ASIC2: variants seen among roughly 807,000 people sequenced by gnomAD.
ASIC2 encodes acid sensing ion channel subunit 2, also known as acid-sensing ion channel 2.
A neutral mutation model predicts 57.3 loss-of-function variants in ASIC2; 25 were observed. The ratio of observed to expected loss-of-function variants is 0.44; its 90% CI spans 0.32 to 0.61. The LOEUF (loss-of-function observed/expected upper bound fraction) is 0.61, where lower values mean the gene tolerates loss of function less well. ASIC2 is among the 20% of genes least tolerant of loss of function. ASIC2 has a pLI of 0.06. For synonymous variants in ASIC2, 319 were observed against 307.5 expected (o/e 1.04, Z -0.39); for missense variants, 641 against 738.1 (o/e 0.87, Z 1.52).
chr17:33,803,899 G>A (rs576622313), intron 1 of ASIC2, among the ~76,000 whole-genome samples: 43 of 152,220 alleles, frequency 2.8e-4, no homozygotes, highest in Admixed American at 2.4e-3. Flanking sequence ...TTGCCAGTGT[G>A]GGGTGGAAAG....
rs1909244938 is a variant in ASIC2, at chr17:33,375,538, ATGG to A, written c.556-263474_556-263472del. 1.3e-5 allele frequency among the ~76,000 whole-genome samples: 2 copies of A among 152,168 alleles called. 1 individual carries two copies. The highest frequency in any genetic ancestry group is 4.1e-4 in the South Asian group (2 of 4,822). Reference sequence around the variant, plus strand: ...GCAGTGAGCAGATACGTGCCAGGGTATGGCTTGCGTTTTAAAAGGATAGTTCTG... The same window carrying A: ...GCAGTGAGCAGATACGTGCCAGGGTACTTGCGTTTTAAAAGGATAGTTCTG... On this transcript the variant is annotated intron_variant, in intron 1 of 9. Transcript: ENST00000359872.
At chr17:33,727,161 T>A (rs1210367481) in intron 1 of ASIC2, among the ~76,000 whole-genome samples, 1 of 152,182 alleles carries the variant, frequency 6.6e-6, no homozygotes, top group African/African-American at 2.4e-5. Context: ...ACTCTTGATC[T>A]AGTCTAACTC....
intron 1 of ASIC2, among the ~76,000 whole-genome samples, chr17:33,847,617 A>C (rs7220270): frequency 0.025 from 3,845 of 152,312 alleles, 184 homozygotes; most frequent in African/African-American, 0.088. Flanking sequence ...TATATGGGAC[A>C]CAGCTTACTC....
intron 1 of ASIC2, among the ~76,000 whole-genome samples, chr17:33,441,297 A>C (rs1250808681): frequency 6.6e-6 from 1 of 152,048 alleles, no homozygotes; most frequent in African/African-American, 2.4e-5. Context: ...CTCTTGAAAA[A>C]CATTTTTAAA....
At chr17:33,899,830 C>A (rs1915192086) in intron 1 of ASIC2, among the ~76,000 whole-genome samples, 1 of 152,168 alleles carries the variant, frequency 6.6e-6, no homozygotes, top group Non-Finnish European at 1.5e-5. Context: ...TAACTTATTT[C>A]ATATAAGAGT....
At chr17:33,471,852 C>G (rs1913061246) in intron 1 of ASIC2, among the ~76,000 whole-genome samples, 1 of 151,866 alleles carries the variant, frequency 6.6e-6, no homozygotes, top group Admixed American at 6.6e-5. Flanking sequence ...TGTGTTAAAC[C>G]ATTTATATGC....
intron 1 of ASIC2, among the ~76,000 whole-genome samples, chr17:34,056,477 G>C (rs1269123444): frequency 1.3e-5 from 2 of 152,208 alleles, no homozygotes; most frequent in African/African-American, 4.8e-5. Flanking sequence ...CACATTCTGG[G>C]CTGGTAGGTA....
chr17:33,979,115 G>T (rs1388790889), intron 1 of ASIC2, among the ~76,000 whole-genome samples: 1 of 152,160 alleles, frequency 6.6e-6, no homozygotes, highest in African/African-American at 2.4e-5. Context: ...TCATGACCAG[G>T]AGAGAGGAGG....
chr17:33,791,443 C>A (rs1911769486), intron 1 of ASIC2, among the ~76,000 whole-genome samples: 1 of 152,162 alleles, frequency 6.6e-6, no homozygotes, highest in African/African-American at 2.4e-5. Flanking sequence ...GACCCTGGAC[C>A]CCATTGGGCA....
At chr17:33,529,545 A>G (rs550893149) in intron 1 of ASIC2, among the ~76,000 whole-genome samples, 2 of 152,372 alleles carry the variant, frequency 1.3e-5, no homozygotes, top group South Asian at 4.1e-4. Flanking sequence ...TTGAGAAGCA[A>G]TAGTTTAGAC....
At chr17:33,135,167 G>A (rs940313492) in intron 1 of ASIC2, among the ~76,000 whole-genome samples, 3 of 152,062 alleles carry the variant, frequency 2.0e-5, no homozygotes, top group Admixed American at 6.5e-5. Context: ...CCTCATGAAC[G>A]TCCTGCTCAT....
intron 1 of ASIC2, among the ~76,000 whole-genome samples, chr17:33,599,345 A>T (rs1905067959): frequency 6.6e-6 from 1 of 152,156 alleles, no homozygotes; most frequent in Non-Finnish European, 1.5e-5. Context: ...AAGGGAGAAA[A>T]GGAGCCTGAT....
chr17:33,792,574 G>A (rs965266096), intron 1 of ASIC2: 2 of 152,144 alleles, frequency 1.3e-5, no homozygotes, highest in African/African-American at 4.8e-5. Context: ...ATATTTTGAA[G>A]CCAAAATTTG....
rs1905463347 is a variant in ASIC2, at chr17:33,291,729, G to T, written c.387C>A (p.Pro129=). 1 of 1,613,394 alleles carries T rather than the reference G, an allele frequency of 6.2e-7. No individual in the cohort carries two copies. Among genetic ancestry groups the T allele is most frequent in the Non-Finnish European group, 8.5e-7 (1 of 1,179,858 alleles). Residue 129 remains proline (P), a synonymous_variant, in exon 1 of 10, where the codon CCC becomes CCA. Transcript: ENST00000225823. The part of the protein sequence containing the change: ...RVHREWSRQL[P]FPAVTVCNNN... ...TGTTGCACACAGTGACGGCGGGGAA[G>T]GGTAACTGGCGGCTCCACTCGCGGT...
intron 1 of ASIC2, among the ~76,000 whole-genome samples, chr17:33,274,569 C>T (rs1199483511): frequency 2.0e-5 from 3 of 152,178 alleles, no homozygotes; most frequent in Admixed American, 6.5e-5. Flanking sequence ...TTTGACAACA[C>T]AGGCTCCTAG....
At chr17:33,107,194 C>T (rs961653044) in intron 2 of ASIC2, among the ~76,000 whole-genome samples, 1 of 152,084 alleles carries the variant, frequency 6.6e-6, no homozygotes, top group Non-Finnish European at 1.5e-5. Context: ...ATTTAATTTC[C>T]GTTGGAAAAC....
intron 1 of ASIC2, among the ~76,000 whole-genome samples, chr17:33,574,419 G>A (rs1012463664): frequency 1.3e-5 from 2 of 152,124 alleles, no homozygotes; most frequent in Non-Finnish European, 2.9e-5. Flanking sequence ...TTATAGCAGG[G>A]TTTCTTAGCA....
rs1911421344 is a variant in ASIC2 at position 34,116,244 on chromosome 17, T to C, written c.555+39734A>G. 1.3e-5 allele frequency among the ~76,000 whole-genome samples: 2 copies of C among 152,236 alleles called. 1 individual carries two copies. The highest frequency in any genetic ancestry group is 4.1e-4 in the South Asian group (2 of 4,830). On this transcript the variant is annotated intron_variant, in intron 1 of 9. Transcript: ENST00000359872. ...TGAATCCTTGTTTTACCAGTATGTA[T>C]AATGTCAGAAAAATGCCTTTCTCTC...
chr17:33,617,297 A>T (rs1469040068), intron 1 of ASIC2, among the ~76,000 whole-genome samples: 1 of 152,232 alleles, frequency 6.6e-6, no homozygotes, highest in Non-Finnish European at 1.5e-5. Context: ...GTACATATAT[A>T]CTGTGGAATA....
Sources: gnomAD v4.1 joint callset for allele counts (sites outside exome capture counted in the v4.1 genomes callset) on GRCh38, gnomAD v4.1.1 for gene constraint, MANE v1.5 for transcripts, NCBI Gene and HGNC (gene_info 2026-07-23, HGNC 2026-07-21) for gene names.